Variants in SLC44A1 observed in about 807,000 individuals in gnomAD.
SLC44A1 encodes the protein choline transporter-like protein 1.
Under a neutral mutation model 79.3 loss-of-function variants are expected in SLC44A1, and 26 were observed. That is an observed-to-expected ratio of 0.33 (90% CI 0.24 to 0.46). SLC44A1 has a LOEUF of 0.46. Ranked by LOEUF, SLC44A1 falls within the 20% of genes least tolerant of loss-of-function variation. SLC44A1 has a pLI of 1.00. For missense variants in SLC44A1, 688 were observed against 798.1 expected (o/e 0.86, Z 1.66); for synonymous variants, 263 against 286.2 (o/e 0.92, Z 0.82).
chr9:105,405,151 C>T (rs1174101958), intron 15 of SLC44A1, among the ~76,000 whole-genome samples: 1 of 151,942 alleles, frequency 6.6e-6, no homozygotes, highest in Non-Finnish European at 1.5e-5. Context: ...GAAACTACAT[C>T]TCTACTAAAA....
intron 4 of SLC44A1, among the ~76,000 whole-genome samples, chr9:105,339,748 G>C (rs1827029118): frequency 6.6e-6 from 1 of 152,148 alleles, no homozygotes; most frequent in African/African-American, 2.4e-5. Context: ...GATCGCTTGA[G>C]CCCAGGAGGT....
At position 105,396,777 on chromosome 9, in the gene SLC44A1, ATCTTG is replaced by A. The variant is rs754919200; in HGVS notation, c.*7731_*7735del. ...TCATAGTGCCAAAATGAATTTTTGT[ATCTTG>A]TCTTGTCTTTGTCCATTATAAACTG... On this transcript the variant is annotated 3_prime_UTR_variant, in exon 16 of 16. Coordinates refer to ENST00000374720, the MANE Select transcript of SLC44A1 (RefSeq NM_080546.5). 7.6e-4 allele frequency: 748 copies of A among 980,086 alleles called. No individual in the cohort carries two copies. Among genetic ancestry groups the A allele is most frequent in the Non-Finnish European group, 8.4e-4 (700 of 828,610 alleles). The allele number at this position is 980,086 out of a possible 1,614,324, so 60.7% of individuals were successfully genotyped here.
intron 2 of SLC44A1, among the ~76,000 whole-genome samples, chr9:105,305,664 T>TC (rs1159423510): frequency 6.6e-6 from 1 of 152,082 alleles, no homozygotes; most frequent in Non-Finnish European, 1.5e-5. Flanking sequence ...ACTCCTTTTT[T>TC]CCCTACCTTT....
At chr9:105,271,709 G>C (rs1021454301) in intron 1 of SLC44A1, among the ~76,000 whole-genome samples, 1 of 152,122 alleles carries the variant, frequency 6.6e-6, no homozygotes, top group South Asian at 2.1e-4. Flanking sequence ...CACCTCCCAG[G>C]TTCAAGTGAT....
intron 15 of SLC44A1, 187 bp downstream of exon 15, chr9:105,385,689 C>G: frequency 1.0e-6 from 1 of 985,420 alleles, no homozygotes; most frequent in Non-Finnish European, 1.2e-6. Flanking sequence ...ACAACTGAGA[C>G]CACCTTCTAT....
At chr9:105,340,471 A>G (rs974355769) in intron 4 of SLC44A1, among the ~76,000 whole-genome samples, 1 of 152,226 alleles carries the variant, frequency 6.6e-6, no homozygotes, top group Non-Finnish European at 1.5e-5. Flanking sequence ...ATTCTTGCAC[A>G]ACAGTTTGAA....
chr9:105,310,270 A>G (rs1490363069), intron 3 of SLC44A1, among the ~76,000 whole-genome samples: 2 of 152,200 alleles, frequency 1.3e-5, no homozygotes, highest in Non-Finnish European at 2.9e-5. Flanking sequence ...TTAACATAAT[A>G]GAAAATATTT....
intron 1 of SLC44A1, among the ~76,000 whole-genome samples, chr9:105,268,117 C>T (rs1830001057): frequency 2.0e-5 from 3 of 152,160 alleles, no homozygotes; most frequent in Admixed American, 2.0e-4. Context: ...TCCAACTCTT[C>T]TGGGTAGAAG....
chr9:105,323,869 C>T (rs11790973), intron 3 of SLC44A1, among the ~76,000 whole-genome samples: 51 of 152,322 alleles, frequency 3.3e-4, no homozygotes, highest in African/African-American at 1.2e-3. Context: ...CAGAGTAATT[C>T]TAAACTTTCC....
At chr9:105,371,360 C>T (rs1443982927) in intron 12 of SLC44A1, among the ~76,000 whole-genome samples, 2 of 152,208 alleles carry the variant, frequency 1.3e-5, no homozygotes, top group African/African-American at 4.8e-5. Flanking sequence ...GTTCCATCAC[C>T]GTAGCATGAA....
In SLC44A1 at chr9:105,396,718, TG is replaced by T; in HGVS notation, c.*7663del. On this transcript the variant is annotated 3_prime_UTR_variant, in exon 16 of 16. Coordinates refer to ENST00000374720, the MANE Select transcript of SLC44A1 (RefSeq NM_080546.5). ...CATATTTCTCAATCTGATGCCTTTT[TG>T]TCTTTTTTTTTTTTTGCCATTTGCA... 1.0e-6 allele frequency: 1 copy of T among 985,030 alleles called. No homozygotes were observed. Among genetic ancestry groups the T allele is most frequent in the African/African-American group, 1.7e-5 (1 of 57,198 alleles). The allele number at this position is 985,030 out of a possible 1,614,324, so 61.0% of individuals were successfully genotyped here.
At chr9:105,315,407 A>G (rs1004284887) in intron 3 of SLC44A1, among the ~76,000 whole-genome samples, 15 of 151,780 alleles carry the variant, frequency 9.9e-5, no homozygotes, top group Non-Finnish European at 2.2e-4. Flanking sequence ...AGGAAACTCC[A>G]TATTTGCAAT....
Position 105,414,050 on chromosome 9 carries a change from GTT to G in SLC44A1, c.1951-24218_1951-24217del, listed in dbSNP as rs36029577. On this transcript the variant is annotated intron_variant, in intron 15 of 15. Transcript: ENST00000374724. ...GCTTTCGCTGGACAGTTAGTGTTTG[GTT>G]TTTTTTTTTTTTGTATTTTTGTTTT... Among the ~76,000 whole-genome samples, 922 of 140,316 alleles carry G rather than the reference GTT, an allele frequency of 6.6e-3. 9 individuals carry two copies. The highest frequency in any genetic ancestry group is 0.022 in the African/African-American group (841 of 38,504). The allele number at this position is 140,316 out of a possible 152,430, so 92.1% of individuals were successfully genotyped here. A position where few individuals can be genotyped will look rare whatever the true frequency, so the allele number is the denominator to read the frequency against.
downstream of SLC44A1, chr9:105,397,427 A>T (rs977973497): frequency 1.1e-6 from 1 of 900,274 alleles, no homozygotes; most frequent in Non-Finnish European, 1.3e-6. Context: ...CTTCGTTTCA[A>T]ATTAGGTCAG....
chr9:105,246,012 A>G (rs1007939185), intron 1 of SLC44A1, among the ~76,000 whole-genome samples: 1 of 152,198 alleles, frequency 6.6e-6, no homozygotes, highest in Non-Finnish European at 1.5e-5. Context: ...ATAGGCTCTG[A>G]CAACGCCTGG....
At chr9:105,417,249 C>T (rs1323043874) in intron 15 of SLC44A1, among the ~76,000 whole-genome samples, 2 of 152,204 alleles carry the variant, frequency 1.3e-5, no homozygotes, top group East Asian at 3.8e-4. Context: ...TTGTTTTCTG[C>T]ATAATTTCAC....
intron 1 of SLC44A1, among the ~76,000 whole-genome samples, chr9:105,252,939 C>A (rs1482584379): frequency 6.6e-6 from 1 of 152,092 alleles, no homozygotes; most frequent in East Asian, 1.9e-4. Context: ...TTACATTTTT[C>A]AGTATGTTTT....
rs1454049777 is a variant in SLC44A1 at position 105,392,437 on chromosome 9, G to A, written c.*3381G>A. On this transcript the variant is annotated 3_prime_UTR_variant, in exon 16 of 16. Transcript: ENST00000374720. ...TTTTTTTTTTTTTTTTTTTCCGTGAGGGCATTAGGCTGCTGATTGTAAGTT... is the reference window on the plus strand; with the variant it reads ...TTTTTTTTTTTTTTTTTTTCCGTGAAGGCATTAGGCTGCTGATTGTAAGTT... 2 of 707,244 alleles carry A rather than the reference G, an allele frequency of 2.8e-6. No homozygotes were observed. Among genetic ancestry groups the A allele is most frequent in the Non-Finnish European group, 3.3e-6 (2 of 606,956 alleles). The allele number at this position is 707,244 out of a possible 1,614,324, so 43.8% of individuals were successfully genotyped here.
rs558525201 is a variant in SLC44A1, at chr9:105,328,432, C to T, written c.270-7131C>T. 6.6e-5 allele frequency among the ~76,000 whole-genome samples: 10 copies of T among 152,254 alleles called. No homozygotes were observed. The East Asian group carries it at 1.2e-3, about 18-fold the overall frequency. ...GAGGGAAGGAGCTAGCTCTGTTGCT[C>T]TCTAGAAAAAGAACATTCCAGGCAG... On this transcript the variant is annotated intron_variant, in intron 3 of 15. Transcript: ENST00000374720.
Sources: gnomAD v4.1 joint callset for allele counts (sites outside exome capture counted in the v4.1 genomes callset) on GRCh38, gnomAD v4.1.1 for gene constraint, MANE v1.5 for transcripts, NCBI Gene and HGNC (gene_info 2026-07-23, HGNC 2026-07-21) for gene names.